SHISA9: variants seen among roughly 807,000 people sequenced by gnomAD.
SHISA9 encodes shisa family member 9, also known as protein shisa-9.
SHISA9 carries 13 observed loss-of-function variants against 38.0 expected under a neutral mutation model. That is an observed-to-expected ratio of 0.34 (90% CI 0.22 to 0.54). The LOEUF is 0.54. SHISA9 is among the 20% of genes least tolerant of loss of function. The pLI is 0.91. For synonymous variants in SHISA9, 275 were observed against 242.0 expected (o/e 1.14, Z -1.27); for missense variants, 538 against 575.8 (o/e 0.93, Z 0.67).
intron 2 of SHISA9, among the ~76,000 whole-genome samples, chr16:13,083,408 T>C (rs529242984): frequency 6.6e-6 from 1 of 152,160 alleles, no homozygotes; most frequent in African/African-American, 2.4e-5. Context: ...GCATCTTAGG[T>C]TGGATTCCCT....
the SHISA9 span, among the ~76,000 whole-genome samples, chr16:13,531,713 C>A: frequency 1.3e-5 from 2 of 152,086 alleles, no homozygotes; most frequent in Non-Finnish European, 2.9e-5. Context: ...TATGAGCAAT[C>A]TCAAGTAAGA....
chr16:13,429,886 C>G, the SHISA9 span, among the ~76,000 whole-genome samples: 2 of 152,130 alleles, frequency 1.3e-5, no homozygotes, highest in Non-Finnish European at 2.9e-5. Context: ...GTGTCTCCCC[C>G]AAATGTATAT....
chr16:13,356,660 A>G, the SHISA9 span, among the ~76,000 whole-genome samples: 238 of 152,156 alleles, frequency 1.6e-3, 1 homozygote, highest in African/African-American at 5.4e-3. Context: ...GTCTGTAGAA[A>G]AGGAAGATTA....
the SHISA9 span, among the ~76,000 whole-genome samples, chr16:13,262,664 G>GGGAGGGAGGAAT: frequency 8.8e-6 from 1 of 114,038 alleles, no homozygotes; most frequent in Non-Finnish European, 1.9e-5. Context: ...AAGGAAGGAA[G>GGGAGGGAGGAAT]GAAGGAAGGG....
chr16:13,235,292 G>A lies in SHISA9; in HGVS notation c.1158G>A (p.Lys386=). Reference sequence around the variant, plus strand: ...TCCGGCGGCAGGCTTACAGCAACAAGGGCAAGCTTGGCACGGCCGAGACAG... The same window carrying A: ...TCCGGCGGCAGGCTTACAGCAACAAAGGCAAGCTTGGCACGGCCGAGACAG... ...QSLRRQAYSN[K]GKLGTAETGS... is the part of the protein sequence containing the mutation. Residue 386 remains lysine, a synonymous_variant, in exon 5 of 5, where the codon AAG becomes AAA. Transcript: ENST00000558583. The A allele has an allele frequency of 6.4e-7, 1 of 1,551,318 alleles. No individual in the cohort carries two copies. Among genetic ancestry groups the A allele is most frequent in the Non-Finnish European group, 8.7e-7 (1 of 1,147,014 alleles).
chr16:13,020,338 T>C lies in SHISA9; in HGVS notation c.691+103523T>C, dbSNP rs546390712. Among the ~76,000 whole-genome samples the C allele has an allele frequency of 9.2e-5, 14 of 152,154 alleles. No homozygotes were observed. In the South Asian group the frequency reaches 2.7e-3, roughly 29 times the overall value. ...ACCATGCCCAGCCCATTAGTTGTTTTTCTTGATTCTCTTGCATCCTCTGAC... is the reference window on the plus strand; with the variant it reads ...ACCATGCCCAGCCCATTAGTTGTTTCTCTTGATTCTCTTGCATCCTCTGAC... On this transcript the variant is annotated intron_variant, in intron 2 of 4. Coordinates refer to ENST00000558583, the MANE Select transcript of SHISA9 (RefSeq NM_001145204.3).
chr16:13,471,864 T>C, the SHISA9 span, among the ~76,000 whole-genome samples: 1 of 152,000 alleles, frequency 6.6e-6, no homozygotes, highest in Non-Finnish European at 1.5e-5. Context: ...TCAGCTAGTG[T>C]TATAGCAAGA....
chr16:12,997,939 A>C (rs1478163906), intron 2 of SHISA9, among the ~76,000 whole-genome samples: 1 of 152,178 alleles, frequency 6.6e-6, no homozygotes, highest in Non-Finnish European at 1.5e-5. Context: ...TCGTCCAGAC[A>C]CCATGTTATA....
At chr16:13,205,339 G>A (rs1224974402) in intron 3 of SHISA9, among the ~76,000 whole-genome samples, 1 of 152,148 alleles carries the variant, frequency 6.6e-6, no homozygotes, top group Non-Finnish European at 1.5e-5. Flanking sequence ...CTTAATACAT[G>A]GGGGAAATTC....
At chr16:13,106,570 C>T (rs191771447) in intron 2 of SHISA9, among the ~76,000 whole-genome samples, 6 of 152,136 alleles carry the variant, frequency 3.9e-5, no homozygotes, top group South Asian at 2.1e-4. Flanking sequence ...TATTTTCAAC[C>T]GAGGCAGTTT....
chr16:13,523,461 T>A, the SHISA9 span, among the ~76,000 whole-genome samples: 3 of 152,188 alleles, frequency 2.0e-5, no homozygotes, highest in East Asian at 5.8e-4. Flanking sequence ...GACTGGGTAA[T>A]TTATAAGAAG....
chr16:13,377,488 C>T, the SHISA9 span, among the ~76,000 whole-genome samples: 8 of 152,182 alleles, frequency 5.3e-5, no homozygotes, highest in African/African-American at 1.7e-4. Context: ...ACCTGGACTG[C>T]TAGGCCATGC....
At chr16:13,208,015 TG>T (rs1353818994) in intron 3 of SHISA9, among the ~76,000 whole-genome samples, 1 of 152,180 alleles carries the variant, frequency 6.6e-6, no homozygotes, top group Admixed American at 6.6e-5. Context: ...TAAATTTCTC[TG>T]GGAAGCTTTA....
chr16:13,051,080 A>G (rs2073245610), intron 2 of SHISA9, among the ~76,000 whole-genome samples: 2 of 152,214 alleles, frequency 1.3e-5, no homozygotes, highest in South Asian at 4.1e-4. Flanking sequence ...TGCATAATGC[A>G]TCCTACTGAG....
chr16:13,202,180 C>T (rs1354327019), intron 2 of SHISA9, among the ~76,000 whole-genome samples: 2 of 126,688 alleles, frequency 1.6e-5, no homozygotes, highest in Non-Finnish European at 3.4e-5. Context: ...CCAACCCCAC[C>T]TCATTCCAGT....
At chr16:13,409,178 T>C in the SHISA9 span, among the ~76,000 whole-genome samples, 2 of 152,164 alleles carry the variant, frequency 1.3e-5, no homozygotes, top group African/African-American at 4.8e-5. Context: ...GTTCGGCCGC[T>C]AGATGGCCAA....
intron 1 of SHISA9, chr16:12,910,370 G>C: frequency 1.6e-6 from 1 of 621,480 alleles, no homozygotes; most frequent in Non-Finnish European, 2.0e-6. Flanking sequence ...GCCCAACACT[G>C]TGCTGAGAGA....
At chr16:13,126,454 G>C (rs1204940790) in intron 2 of SHISA9, among the ~76,000 whole-genome samples, 5 of 148,122 alleles carry the variant, frequency 3.4e-5, no homozygotes, top group Non-Finnish European at 7.5e-5. Context: ...GAGGGAAAGA[G>C]AGATTGAGGG....
the SHISA9 span, among the ~76,000 whole-genome samples, chr16:13,539,338 TATATAAAG>T: frequency 0.2 from 11,027 of 56,412 alleles, 1,464 homozygotes; most frequent in East Asian, 0.45. Flanking sequence ...TCTTTATATA[TATATAAAG>T]ATATATATAT....
Sources: allele counts gnomAD v4.1 joint callset (sites outside exome capture counted in the v4.1 genomes callset), GRCh38; gene constraint gnomAD v4.1.1; transcripts MANE v1.5; gene names NCBI Gene and HGNC (gene_info 2026-07-23, HGNC 2026-07-21).